The following SNRNP40 variants were observed in gnomAD, a reference collection of about 807,000 sequenced individuals.
The protein encoded by SNRNP40 is U5 small nuclear ribonucleoprotein 40 kDa protein.
Under a neutral mutation model 45.8 loss-of-function variants are expected in SNRNP40, and 21 were observed. The ratio of observed to expected loss-of-function variants is 0.46; its 90% CI spans 0.32 to 0.66. The LOEUF is 0.66. Ranked by LOEUF, SNRNP40 falls within the 30% of genes least tolerant of loss-of-function variation. The pLI is 0.03. For missense variants in SNRNP40, 344 were observed against 439.1 expected (o/e 0.78, Z 1.94); for synonymous variants, 142 against 163.8 (o/e 0.87, Z 1.01).
chr1:31,265,539 T>G (rs1231583691), intron 8 of SNRNP40, among the ~76,000 whole-genome samples: 1 of 152,186 alleles, frequency 6.6e-6, no homozygotes, highest in Non-Finnish European at 1.5e-5. Flanking sequence ...TATGTAAATA[T>G]AATTTAAAAA....
chr1:31,279,222 G>T (rs1351203096), intron 5 of SNRNP40, among the ~76,000 whole-genome samples: 3 of 152,132 alleles, frequency 2.0e-5, no homozygotes, highest in Admixed American at 6.6e-5. Flanking sequence ...TGTAACCTGG[G>T]TTTAAGCTGT....
chr1:31,270,508 G>A (rs373431987), intron 6 of SNRNP40, among the ~76,000 whole-genome samples: 32 of 152,224 alleles, frequency 2.1e-4, no homozygotes, highest in African/African-American at 6.5e-4. Flanking sequence ...AGCTATAGCC[G>A]TTGTAACTGA....
intron 8 of SNRNP40, among the ~76,000 whole-genome samples, chr1:31,266,864 C>A (rs1645901034): frequency 6.6e-6 from 1 of 152,230 alleles, no homozygotes; most frequent in South Asian, 2.1e-4. Context: ...GCACTGACAA[C>A]AGTGCCATGG....
At chr1:31,263,576 TA>T in intron 8 of SNRNP40, 1 of 455,996 alleles carries the variant, frequency 2.2e-6, no homozygotes, top group Non-Finnish European at 4.3e-6. Flanking sequence ...CAAACTGAAG[TA>T]AAACTTGAAG....
At chr1:31,278,272 C>G (rs1645990160) in intron 5 of SNRNP40, among the ~76,000 whole-genome samples, 1 of 152,030 alleles carries the variant, frequency 6.6e-6, no homozygotes, top group Non-Finnish European at 1.5e-5. Context: ...ATAAAGAGCC[C>G]AAAGTAAGCC....
At chr1:31,260,952 T>C in intron 9 of SNRNP40, 1 of 1,129,950 alleles carries the variant, frequency 8.8e-7, no homozygotes, top group South Asian at 1.6e-5. Context: ...AAATTAGACT[T>C]ACCAACTTCC....
chr1:31,296,601 C>T lies in SNRNP40; in HGVS notation c.141+10G>A. On this transcript the variant is annotated intron_variant, in intron 1 of 9. Coordinates refer to ENST00000263694, the MANE Select transcript of SNRNP40 (RefSeq NM_004814.3). Reference sequence around the variant, plus strand: ...GCTGAGGGCCAAAGGCCGCCTGCTTCTTCACTTACCGCTTGCAGCAAGGCT... The same window carrying T: ...GCTGAGGGCCAAAGGCCGCCTGCTTTTTCACTTACCGCTTGCAGCAAGGCT... The T allele has an allele frequency of 6.2e-7, 1 of 1,606,306 alleles. No individual in the cohort carries two copies. The highest frequency in any genetic ancestry group is 1.3e-5 in the African/African-American group (1 of 74,700).
chr1:31,272,680 G>A (rs539093542), intron 5 of SNRNP40, among the ~76,000 whole-genome samples: 39 of 152,230 alleles, frequency 2.6e-4, no homozygotes, highest in African/African-American at 9.4e-4. Flanking sequence ...ATAATGTGTA[G>A]CTATTGTTAA....
At chr1:31,295,075 T>C (rs1343630644) in intron 1 of SNRNP40, among the ~76,000 whole-genome samples, 2 of 152,022 alleles carry the variant, frequency 1.3e-5, no homozygotes, top group East Asian at 1.9e-4. Flanking sequence ...GCAAACTATA[T>C]ATGTGGTGTC....
chr1:31,276,133 A>ATAT (rs1361896988), intron 5 of SNRNP40, among the ~76,000 whole-genome samples: 1 of 152,204 alleles, frequency 6.6e-6, no homozygotes, highest in African/African-American at 2.4e-5. Context: ...GGTGCTAGGA[A>ATAT]TATTATATCC....
At chr1:31,288,248 T>C (rs1371517584) in intron 4 of SNRNP40, among the ~76,000 whole-genome samples, 1 of 152,184 alleles carries the variant, frequency 6.6e-6, no homozygotes, top group Non-Finnish European at 1.5e-5. Flanking sequence ...ATGTACTCTT[T>C]TGAAGTCCCT....
chr1:31,280,352 C>T (rs1383478235), intron 5 of SNRNP40, among the ~76,000 whole-genome samples: 1 of 151,682 alleles, frequency 6.6e-6, no homozygotes, highest in Non-Finnish European at 1.5e-5. Context: ...TCAGTAGAGA[C>T]GAGGTTTCAC....
intron 8 of SNRNP40, among the ~76,000 whole-genome samples, chr1:31,263,076 C>T (rs572864574): frequency 6.6e-6 from 1 of 151,970 alleles, no homozygotes; most frequent in South Asian, 2.1e-4. Flanking sequence ...TTTTAAGCTT[C>T]TTTCTACTGA....
chr1:31,275,435 T>TCCAGG (rs33956390), intron 5 of SNRNP40, among the ~76,000 whole-genome samples: 150,070 of 152,152 alleles, frequency 0.99, 74,040 homozygotes, highest in Middle Eastern at 1. Context: ...CACTCTGTCA[T>TCCAGG]CTGGAGTGCA....
chr1:31,270,405 A>T (rs112364060), intron 6 of SNRNP40, among the ~76,000 whole-genome samples: 3,438 of 152,282 alleles, frequency 0.023, 121 homozygotes, highest in African/African-American at 0.077. Context: ...CAGCCTGGGC[A>T]ACACAGCAAG....
chr1:31,292,237 C>G (rs1646112685), intron 2 of SNRNP40, among the ~76,000 whole-genome samples: 1 of 152,054 alleles, frequency 6.6e-6, no homozygotes. Flanking sequence ...GTGGCAGACG[C>G]CTACAATCCC....
Position 31,292,236 on chromosome 1 carries a change from G to A in SNRNP40, c.272-230C>T, listed in dbSNP as rs868526994. 1.2e-4 allele frequency among the ~76,000 whole-genome samples: 18 copies of A among 152,164 alleles called. 1 individual carries two copies. The highest frequency in any genetic ancestry group is 3.6e-4 in the African/African-American group (15 of 41,504). ...AAATCAGCCAGGTGTAGTGGCAGAC[G>A]CCTACAATCCCAGCTCTTGGGAGAC... On this transcript the variant is annotated intron_variant, in intron 2 of 9. Transcript: ENST00000263694.
rs1293121545 is a variant in SNRNP40 at position 31,275,356 on chromosome 1, G to A, written c.655-3857C>T. Among the ~76,000 whole-genome samples, 4 of 152,058 alleles carry A rather than the reference G, an allele frequency of 2.6e-5. No homozygotes were observed. The South Asian group carries it at 6.2e-4, about 24-fold the overall frequency. ...GACAACTAAGAGTCTTCCTGAGTTC[G>A]AGAGAGCAATTACTCTCCCCTCTGC... On this transcript the variant is annotated intron_variant, in intron 5 of 9. Transcript: ENST00000263694.
In SNRNP40 at chr1:31,279,967, G is replaced by A. The variant is rs553429214; in HGVS notation, c.654+1407C>T. ...ACTAAAAAATACAAAAATTAGCTGG[G>A]CATGGTGGCACGTGCCTGTAATCCC... On this transcript the variant is annotated intron_variant, in intron 5 of 9. Transcript: ENST00000263694. 7.3e-5 allele frequency among the ~76,000 whole-genome samples: 11 copies of A among 150,736 alleles called. No homozygotes were observed. The East Asian group carries it at 1.4e-3, about 19-fold the overall frequency.
Sources: allele counts gnomAD v4.1 joint callset (sites outside exome capture counted in the v4.1 genomes callset), GRCh38; gene constraint gnomAD v4.1.1; transcripts MANE v1.5; gene names NCBI Gene and HGNC (gene_info 2026-07-23, HGNC 2026-07-21).